PCCA: variants seen among roughly 807,000 people sequenced by gnomAD.
The protein encoded by PCCA is propionyl-CoA carboxylase subunit alpha.
A neutral mutation model predicts 101.3 loss-of-function variants in PCCA; 74 were observed. The observed-to-expected ratio is 0.73, with a 90% confidence interval of 0.61 to 0.89. The LOEUF is 0.89. Ranked by LOEUF, PCCA falls within the 40% of genes least tolerant of loss-of-function variation. PCCA has a pLI of 0.00. For missense variants in PCCA, 891 were observed against 907.0 expected, an observed-to-expected ratio of 0.98 and a Z score of 0.23; for synonymous variants, 294 against 313.6, an observed-to-expected ratio of 0.94 and a Z score of 0.66.
At chr13:100,159,766 T>C (rs1013950224) in intron 6 of PCCA, among the ~76,000 whole-genome samples, 1 of 152,212 alleles carries the variant, frequency 6.6e-6, no homozygotes, top group African/African-American at 2.4e-5. Flanking sequence ...GCTGCTCCCA[T>C]GCGTGGCTGG....
At chr13:100,129,887 A>G (rs1039186751) in intron 4 of PCCA, among the ~76,000 whole-genome samples, 1 of 152,188 alleles carries the variant, frequency 6.6e-6, no homozygotes, top group African/African-American at 2.4e-5. Context: ...GGAACCAGCC[A>G]GTGGTTAGCA....
chr13:100,153,671 C>T (rs1244207480), intron 4 of PCCA, among the ~76,000 whole-genome samples: 1 of 152,048 alleles, frequency 6.6e-6, no homozygotes, highest in Non-Finnish European at 1.5e-5. Flanking sequence ...AGGTTGGGGG[C>T]ATACCAGGCA....
intron 8 of PCCA, among the ~76,000 whole-genome samples, chr13:100,253,127 A>G (rs995352298): frequency 6.6e-6 from 1 of 152,166 alleles, no homozygotes; most frequent in African/African-American, 2.4e-5. Context: ...AGTCATCACT[A>G]TCTTACATTG....
At chr13:100,225,429 G>A (rs1302119632) in intron 7 of PCCA, among the ~76,000 whole-genome samples, 2 of 152,194 alleles carry the variant, frequency 1.3e-5, no homozygotes, top group African/African-American at 4.8e-5. Context: ...CCGTGTATTT[G>A]AATGAGTTTT....
At chr13:100,273,774 C>G (rs996304391) in intron 12 of PCCA, among the ~76,000 whole-genome samples, 4 of 152,172 alleles carry the variant, frequency 2.6e-5, no homozygotes, top group Non-Finnish European at 1.5e-5. Context: ...GCCAGGCTCC[C>G]AGAGGAACCG....
intron 2 of PCCA, among the ~76,000 whole-genome samples, chr13:100,106,212 C>T (rs2047781394): frequency 6.6e-6 from 1 of 152,070 alleles, no homozygotes; most frequent in East Asian, 1.9e-4. Flanking sequence ...TAAGATTCCA[C>T]TGAACTTATC....
At chr13:100,517,046 CGTGTGTGTGTGTGTGTGTGTGTGTGTGT>C (rs3840814) in intron 22 of PCCA, among the ~76,000 whole-genome samples, 3 of 133,060 alleles carry the variant, frequency 2.3e-5, no homozygotes, top group Admixed American at 1.5e-4. Context: ...ATTATAAAAT[CGTGTGTGTGTGTGTGTGTGTGTGTGTGT>C]GTGTGTGTGT....
intron 19 of PCCA, among the ~76,000 whole-genome samples, chr13:100,417,503 G>A (rs2078453398): frequency 6.6e-6 from 1 of 152,162 alleles, no homozygotes; most frequent in African/African-American, 2.4e-5. Flanking sequence ...GCTGTAGTGG[G>A]GAGAACCAGT....
At chr13:100,452,803 T>A (rs1210969721) in intron 21 of PCCA, among the ~76,000 whole-genome samples, 1 of 152,208 alleles carries the variant, frequency 6.6e-6, no homozygotes, top group East Asian at 1.9e-4. Flanking sequence ...CCCAGTGCCC[T>A]GAACAAGGCC....
chr13:100,328,367 A>AAT (rs1566942011), intron 16 of PCCA, among the ~76,000 whole-genome samples: 1 of 86,626 alleles, frequency 1.2e-5, no homozygotes, highest in Admixed American at 1.5e-4. Flanking sequence ...TGTCTCAAAA[A>AAT]ATATATAATA....
intron 21 of PCCA, among the ~76,000 whole-genome samples, chr13:100,475,322 C>T (rs879761417): frequency 2.6e-5 from 4 of 152,176 alleles, no homozygotes; most frequent in Non-Finnish European, 5.9e-5. Context: ...ATTCACTCCT[C>T]ACCCCTTCCA....
At chr13:100,472,814 G>A (rs2083119977) in intron 21 of PCCA, among the ~76,000 whole-genome samples, 1 of 151,940 alleles carries the variant, frequency 6.6e-6, no homozygotes, top group Non-Finnish European at 1.5e-5. Context: ...CTGGTCTTGG[G>A]AGAGGCAGTG....
chr13:100,316,630 T>C (rs1209790905), intron 16 of PCCA, among the ~76,000 whole-genome samples: 1 of 152,172 alleles, frequency 6.6e-6, no homozygotes, highest in Non-Finnish European at 1.5e-5. Flanking sequence ...CTGAAAACTA[T>C]ATTGTATTTT....
chr13:100,311,548 T>C (rs2066915660), intron 16 of PCCA, among the ~76,000 whole-genome samples: 1 of 152,092 alleles, frequency 6.6e-6, no homozygotes, highest in Non-Finnish European at 1.5e-5. Flanking sequence ...GGAGGGCAGA[T>C]CACTTGAGGT....
chr13:100,280,914 C>T (rs1457632674), intron 12 of PCCA, among the ~76,000 whole-genome samples: 1 of 152,010 alleles, frequency 6.6e-6, no homozygotes, highest in Admixed American at 6.6e-5. Context: ...TAGAAGCTAC[C>T]TCACTGCAAT....
At chr13:100,293,530 G>A (rs576648310) in intron 12 of PCCA, among the ~76,000 whole-genome samples, 81 of 152,162 alleles carry the variant, frequency 5.3e-4, no homozygotes, top group African/African-American at 1.9e-3. Context: ...AAAATATTTT[G>A]GTCTTTTATG....
chr13:100,284,773 G>T (rs189485079), intron 12 of PCCA, among the ~76,000 whole-genome samples: 1 of 152,184 alleles, frequency 6.6e-6, no homozygotes, highest in Non-Finnish European at 1.5e-5. Context: ...GTTCCTCTTT[G>T]CCTTTGAGGA....
At chr13:100,482,360 T>C (rs1188613383) in intron 21 of PCCA, among the ~76,000 whole-genome samples, 1 of 151,716 alleles carries the variant, frequency 6.6e-6, no homozygotes, top group Non-Finnish European at 1.5e-5. Flanking sequence ...AAGGGGCCAA[T>C]AGAGAGGGAA....
At chr13:100,205,831 A>G (rs1390968943) in intron 6 of PCCA, among the ~76,000 whole-genome samples, 1 of 152,196 alleles carries the variant, frequency 6.6e-6, no homozygotes, top group Non-Finnish European at 1.5e-5. Context: ...ATATGGAAAG[A>G]CAATTGATGG....
Sources: allele counts gnomAD v4.1 joint callset (sites outside exome capture counted in the v4.1 genomes callset), GRCh38; gene constraint gnomAD v4.1.1; transcripts MANE v1.5; gene names NCBI Gene and HGNC (gene_info 2026-07-23, HGNC 2026-07-21).